The following LMLN variants were observed in gnomAD, a reference collection of about 807,000 sequenced individuals.
LMLN encodes the protein leishmanolysin-like peptidase.
Under a neutral mutation model 92.3 loss-of-function variants are expected in LMLN, and 70 were observed. That is an observed-to-expected ratio of 0.76 (90% CI 0.63 to 0.92). The LOEUF (loss-of-function observed/expected upper bound fraction) is 0.92, where lower values mean the gene tolerates loss of function less well. Ranked by LOEUF, LMLN falls within the 40% of genes least tolerant of loss-of-function variation. The pLI is 0.00. For missense variants in LMLN, 691 were observed against 814.6 expected (o/e 0.85, Z 1.85); for synonymous variants, 308 against 296.2 (o/e 1.04, Z -0.41).
intron 1 of LMLN, among the ~76,000 whole-genome samples, chr3:197,968,893 A>C (rs1369703792): frequency 6.6e-6 from 1 of 152,214 alleles, no homozygotes; most frequent in Non-Finnish European, 1.5e-5. Context: ...ATATTGGACT[A>C]TTCAGGTTAT....
intron 14 of LMLN, among the ~76,000 whole-genome samples, chr3:198,029,987 C>T (rs544990147): frequency 3.3e-5 from 5 of 151,950 alleles, no homozygotes; most frequent in African/African-American, 9.7e-5. Flanking sequence ...GGATTATAGG[C>T]GCCCGCCACC....
rs146284330 is a variant in LMLN at position 197,996,124 on chromosome 3, TTACGG to T, written c.1048-47_1048-43del. On this transcript the variant is annotated intron_variant, in intron 9 of 15. Transcript: ENST00000330198. ...ATGTGATGAAAAGTTTGCTGTTATC[TTACGG>T]TACTTTTGTACCATATTTGTTTCTG... The T allele has an allele frequency of 8.3e-4, 819 of 991,762 alleles. 3 individuals carry two copies. The African/African-American group carries it at 0.013, about 16-fold the overall frequency. 61.4% of individuals were successfully genotyped at this position (991,762 alleles called of 1,614,324 possible). A position where few individuals can be genotyped will look rare whatever the true frequency, so the allele number is the denominator to read the frequency against.
At chr3:197,961,568 G>C (rs1449644071) in intron 1 of LMLN, among the ~76,000 whole-genome samples, 2 of 151,770 alleles carry the variant, frequency 1.3e-5, no homozygotes, top group Non-Finnish European at 2.9e-5. Context: ...CTTTTAATTT[G>C]GATTAAAATA....
chr3:197,960,837 C>A (rs1720848794), intron 1 of LMLN, among the ~76,000 whole-genome samples: 1 of 152,118 alleles, frequency 6.6e-6, no homozygotes, highest in Non-Finnish European at 1.5e-5. Context: ...ATATGCTTGT[C>A]CGGGGACCAC....
chr3:197,973,271 T>A (rs1399735093), intron 1 of LMLN, among the ~76,000 whole-genome samples: 3 of 151,730 alleles, frequency 2.0e-5, no homozygotes, highest in Non-Finnish European at 4.4e-5. Flanking sequence ...AGACGGAGTC[T>A]TGCTCTGTTG....
At chr3:197,985,121 T>C (rs1453284680) in intron 7 of LMLN, among the ~76,000 whole-genome samples, 1 of 152,216 alleles carries the variant, frequency 6.6e-6, no homozygotes, top group Admixed American at 6.5e-5. Context: ...CGAATGTTTA[T>C]CTTCCCAGTA....
chr3:198,005,538 T>C (rs1217857150), intron 11 of LMLN, among the ~76,000 whole-genome samples: 1 of 152,154 alleles, frequency 6.6e-6, no homozygotes, highest in Non-Finnish European at 1.5e-5. Context: ...GTTGTTATAC[T>C]ATATTGTTTA....
rs1722722512 is a variant in LMLN, at chr3:198,019,399, G to A, written c.1365+14G>A. 6.3e-7 allele frequency: 1 copy of A among 1,597,276 alleles called. No homozygotes were observed. Among genetic ancestry groups the A allele is most frequent in the Admixed American group, 1.8e-5 (1 of 54,942 alleles). ...CAGGAATACCAGGTAGAACAGGGCT[G>A]GGGCACAGTTTCAGGAATCAGCTTT... is the stretch of plus-strand genomic sequence containing the variant. On this transcript the variant is annotated intron_variant, in intron 12 of 15. Coordinates refer to ENST00000330198, the Ensembl canonical transcript of LMLN. The surrounding 1 kb of genome is among the most constrained non-coding windows in gnomAD (Gnocchi z 5.5).
intron 9 of LMLN, among the ~76,000 whole-genome samples, chr3:197,994,329 C>G (rs1721959939): frequency 6.6e-6 from 1 of 151,970 alleles, no homozygotes. Context: ...AAGAGACAGC[C>G]TAGAAACAGA....
Position 197,973,232 on chromosome 3 carries a change from C to T in LMLN, c.220-1145C>T, listed in dbSNP as rs559120567. On this transcript the variant is annotated intron_variant, in intron 1 of 15. Transcript: ENST00000330198. ...ATGTACCATATCCATTTGCTGTGCT[C>T]AGACATTTCTGATTTTTTTTTTTTT... is the stretch of plus-strand genomic sequence containing the variant. Among the ~76,000 whole-genome samples the T allele has an allele frequency of 4.2e-4, 64 of 151,638 alleles. 1 individual carries two copies. Among genetic ancestry groups the T allele is most frequent in the Non-Finnish European group, 7.2e-4 (49 of 67,934 alleles).
chr3:198,017,331 A>G (rs2109930871), intron 11 of LMLN, among the ~76,000 whole-genome samples: 1 of 152,284 alleles, frequency 6.6e-6, no homozygotes, highest in East Asian at 1.9e-4. Flanking sequence ...GTTCTCAAGC[A>G]CTTCTGGGCT....
chr3:197,993,906 A>T (rs757192605), intron 9 of LMLN, among the ~76,000 whole-genome samples: 4 of 152,204 alleles, frequency 2.6e-5, no homozygotes, highest in Admixed American at 6.5e-5. Context: ...TGGCATAAAA[A>T]TAGGCACATT....
intron 15 of LMLN, among the ~76,000 whole-genome samples, chr3:198,036,800 CCT>C (rs1289074396): frequency 1.3e-5 from 2 of 152,160 alleles, no homozygotes; most frequent in African/African-American, 4.8e-5. Flanking sequence ...ATTTAAATGA[CCT>C]ATGAGATTTT....
chr3:197,976,747 C>T, intron 5 of LMLN, 32 bp downstream of exon 5: 1 of 1,112,146 alleles, frequency 9.0e-7, no homozygotes, highest in South Asian at 1.8e-5. Context: ...AGTGCTTTTA[C>T]ACCTGAGGAG....
Position 198,025,988 on chromosome 3 carries a change from G to C in LMLN, c.1656+1200G>C, listed in dbSNP as rs1033495509. On this transcript the variant is annotated intron_variant, in intron 14 of 15. Transcript: ENST00000330198. The surrounding 1 kb of genome is among the most constrained non-coding windows in gnomAD (Gnocchi z 4.3). Reference sequence around the variant, plus strand: ...CTGTTTTTTTTTGAGACAGGGTTTTGCTCTGTCACCCAGGCTAGAGACAAT... The same window carrying C: ...CTGTTTTTTTTTGAGACAGGGTTTTCCTCTGTCACCCAGGCTAGAGACAAT... 2.0e-5 allele frequency among the ~76,000 whole-genome samples: 3 copies of C among 151,466 alleles called. No homozygotes were observed. Among genetic ancestry groups the C allele is most frequent in the African/African-American group, 7.3e-5 (3 of 41,174 alleles).
chr3:198,003,483 C>A (rs1023926831), intron 11 of LMLN, among the ~76,000 whole-genome samples: 5 of 151,514 alleles, frequency 3.3e-5, no homozygotes, highest in Non-Finnish European at 5.9e-5. Flanking sequence ...GATTCAGTAT[C>A]AAAAAAAAGG....
In LMLN at chr3:197,965,394, T is replaced by C. The variant is rs571391039; in HGVS notation, c.219+4954T>C. ...CACGTGTACTTGTGAAGAATATATA[T>C]TCTATAGTTTTTTTTTATTTTATTG... On this transcript the variant is annotated intron_variant, in intron 1 of 15. Coordinates refer to ENST00000330198, the Ensembl canonical transcript of LMLN. Among the ~76,000 whole-genome samples, 5 of 152,212 alleles carry C rather than the reference T, an allele frequency of 3.3e-5. No homozygotes were observed. The South Asian group carries it at 1.0e-3, about 32-fold the overall frequency.
chr3:198,014,762 C>G (rs1309717346), intron 11 of LMLN, among the ~76,000 whole-genome samples: 5 of 137,398 alleles, frequency 3.6e-5, no homozygotes, highest in African/African-American at 1.1e-4. Flanking sequence ...TCTCTCCACC[C>G]TTCAGAGCCC....
intron 5 of LMLN, among the ~76,000 whole-genome samples, chr3:197,977,767 A>C (rs547935969): frequency 6.6e-6 from 1 of 152,158 alleles, no homozygotes; most frequent in South Asian, 2.1e-4. Flanking sequence ...AAATCATCAA[A>C]CAGTCTGGAA....
Sources: gnomAD v4.1 joint callset for allele counts (sites outside exome capture counted in the v4.1 genomes callset) on GRCh38, gnomAD v4.1.1 for gene constraint, Gnocchi (gnomAD v3.1) non-coding constraint, MANE v1.5 for transcripts, NCBI Gene and HGNC (gene_info 2026-07-23, HGNC 2026-07-21) for gene names.